Variants in DIAPH3 observed in about 807,000 individuals in gnomAD.
DIAPH3 encodes the protein protein diaphanous homolog 3.
Under a neutral mutation model 144.3 loss-of-function variants are expected in DIAPH3, and 117 were observed. The observed-to-expected ratio is 0.81, with a 90% CI of 0.70 to 0.95. The LOEUF is 0.95. Among genes scored for constraint, DIAPH3 ranks in the 40% least tolerant of loss-of-function variants. DIAPH3 has a pLI of 0.00. For missense variants in DIAPH3, 1,421 were observed against 1,412.7 expected (o/e 1.01, Z -0.09); for synonymous variants, 519 against 488.9 (o/e 1.06, Z -0.81).
At chr13:59,797,559 G>T (rs1439879906) in intron 25 of DIAPH3, among the ~76,000 whole-genome samples, 1 of 152,080 alleles carries the variant, frequency 6.6e-6, no homozygotes, top group Non-Finnish European at 1.5e-5. Context: ...AGTACCTAAT[G>T]AAAAAACAAT....
intron 12 of DIAPH3, among the ~76,000 whole-genome samples, chr13:59,990,321 G>A (rs915044480): frequency 1.3e-5 from 2 of 151,684 alleles, no homozygotes; most frequent in Admixed American, 6.6e-5. Context: ...ATGTTACCCC[G>A]AGGACACAGC....
chr13:60,095,427 A>AG (rs1482592690), intron 3 of DIAPH3, among the ~76,000 whole-genome samples: 2 of 151,944 alleles, frequency 1.3e-5, no homozygotes, highest in South Asian at 2.1e-4. Flanking sequence ...TATGCAAATT[A>AG]GGGGGTGGGT....
intron 5 of DIAPH3, among the ~76,000 whole-genome samples, chr13:60,029,822 T>A (rs780953310): frequency 2.0e-5 from 3 of 152,114 alleles, no homozygotes; most frequent in Non-Finnish European, 4.4e-5. Context: ...TAAGCCAGAA[T>A]AGCTCATCTC....
At chr13:59,820,605 T>G (rs114021814) in intron 24 of DIAPH3, among the ~76,000 whole-genome samples, 213 of 151,776 alleles carry the variant, frequency 1.4e-3, no homozygotes, top group African/African-American at 4.8e-3. Context: ...AAAGTGCAAT[T>G]TAAAAAATCA....
At chr13:59,733,179 A>G (rs1728201153) in intron 27 of DIAPH3, among the ~76,000 whole-genome samples, 1 of 152,180 alleles carries the variant, frequency 6.6e-6, no homozygotes, top group African/African-American at 2.4e-5. Context: ...CATAGCTAAG[A>G]ACTATTACTG....
chr13:60,084,027 T>C lies in DIAPH3; in HGVS notation c.495+9601A>G, dbSNP rs557841561. Among the ~76,000 whole-genome samples the C allele has an allele frequency of 1.6e-3, 250 of 151,526 alleles. 1 individual carries two copies. Among genetic ancestry groups the C allele is most frequent in the African/African-American group, 5.5e-3 (226 of 41,268 alleles). On this transcript the variant is annotated intron_variant, in intron 4 of 27. Coordinates refer to ENST00000400324, the MANE Select transcript of DIAPH3 (RefSeq NM_001042517.2). ...ATAGACAGATAGATAGATAGATAGA[T>C]AGATAGATAGATAGATAGATAGATA...
At chr13:59,851,585 A>T (rs1593677749) in intron 22 of DIAPH3, among the ~76,000 whole-genome samples, 2 of 151,748 alleles carry the variant, frequency 1.3e-5, no homozygotes, top group East Asian at 3.9e-4. Context: ...GGTGCCTTGG[A>T]ATGGATGAGG....
intron 17 of DIAPH3, among the ~76,000 whole-genome samples, chr13:59,961,758 C>G (rs2049775518): frequency 6.6e-6 from 1 of 152,184 alleles, no homozygotes; most frequent in African/African-American, 2.4e-5. Context: ...AGCTGAAATT[C>G]ACCGAAGAAT....
chr13:59,701,940 C>T (rs753020157), intron 27 of DIAPH3, among the ~76,000 whole-genome samples: 2 of 152,138 alleles, frequency 1.3e-5, no homozygotes, highest in Non-Finnish European at 2.9e-5. Context: ...CTGAGTACTG[C>T]CTTTCTCCAG....
Position 60,156,933 on chromosome 13 carries a change from ATATATATTTTTTTTT to A in DIAPH3, c.180+6639_180+6653del, listed in dbSNP as rs1484655310. ...CCAGATCCTTCATATATATATATATATATATATTTTTTTTTTTTTTTTTTTTGAGACAGAGGAGTC... is the reference window on the plus strand; with the variant it reads ...CCAGATCCTTCATATATATATATATATTTTTTTTTTTGAGACAGAGGAGTC... On this transcript the variant is annotated intron_variant, in intron 1 of 27. Transcript: ENST00000400324. Among the ~76,000 whole-genome samples, 55 of 52,332 alleles carry A rather than the reference ATATATATTTTTTTTT, an allele frequency of 1.1e-3. 3 individuals are homozygous for A. Among genetic ancestry groups the A allele is most frequent in the African/African-American group, 4.5e-3 (52 of 11,468 alleles). 34.3% of individuals were successfully genotyped at this position (52,332 alleles called of 152,430 possible). A position where few individuals can be genotyped will look rare whatever the true frequency, so the allele number is the denominator to read the frequency against.
chr13:59,983,436 T>C (rs1158685306), intron 13 of DIAPH3, among the ~76,000 whole-genome samples: 7 of 151,578 alleles, frequency 4.6e-5, no homozygotes, highest in African/African-American at 1.5e-4. Flanking sequence ...GTTAACATTT[T>C]TAGGACCTTA....
chr13:59,970,881 T>C lies in DIAPH3; in HGVS notation c.1930A>G (p.Ile644Val). 3 of 1,613,526 alleles carry C rather than the reference T, an allele frequency of 1.9e-6. No individual in the cohort carries two copies. Among genetic ancestry groups the C allele is most frequent in the Non-Finnish European group, 2.5e-6 (3 of 1,179,908 alleles). The stretch of plus-strand genomic sequence containing the variant: ...AACCAATTCAATCTTCTCATGCTGA[T>C]TTCAGGTTTAAATTCTTTCTTTGGT... ...LKPKKEFKPE[I>V]SMRRLNWLKI... Residue 644 changes from isoleucine (I) to valine (V), a missense_variant, in exon 16 of 28, where the codon ATC becomes GTC. Physicochemically the swap from Ile to Val is conservative, Grantham distance 29. Transcript: ENST00000400324.
intron 27 of DIAPH3, among the ~76,000 whole-genome samples, chr13:59,744,035 A>G (rs573507121): frequency 4.2e-4 from 64 of 152,262 alleles, no homozygotes; most frequent in Admixed American, 7.8e-4. Context: ...TTGGGGGTTA[A>G]GTTTCTATAT....
intron 4 of DIAPH3, among the ~76,000 whole-genome samples, chr13:60,078,979 G>A (rs73218517): frequency 0.043 from 6,519 of 151,868 alleles, 185 homozygotes; most frequent in East Asian, 0.1. Context: ...AGAAAGAACC[G>A]ATCCTTAGGT....
chr13:60,094,844 T>C (rs1466917061), intron 3 of DIAPH3, among the ~76,000 whole-genome samples: 1 of 152,208 alleles, frequency 6.6e-6, no homozygotes, highest in Non-Finnish European at 1.5e-5. Context: ...AGCTGTTCCA[T>C]TTGACACTAC....
intron 24 of DIAPH3, among the ~76,000 whole-genome samples, chr13:59,825,223 C>T (rs1052608402): frequency 9.2e-5 from 14 of 151,792 alleles, no homozygotes; most frequent in Admixed American, 2.0e-4. Flanking sequence ...GAGTGTGATG[C>T]TCCCCTTCCT....
At chr13:60,121,797 T>C (rs2058851982) in intron 2 of DIAPH3, among the ~76,000 whole-genome samples, 1 of 152,132 alleles carries the variant, frequency 6.6e-6, no homozygotes, top group Admixed American at 6.5e-5. Flanking sequence ...TGATTATGAC[T>C]CAGCTCTGCC....
chr13:59,848,006 T>C (rs949113828), intron 22 of DIAPH3, among the ~76,000 whole-genome samples: 1 of 152,222 alleles, frequency 6.6e-6, no homozygotes, highest in Non-Finnish European at 1.5e-5. Flanking sequence ...CTTTTCTCTT[T>C]CATGCCGCAC....
intron 2 of DIAPH3, among the ~76,000 whole-genome samples, chr13:60,129,123 A>G (rs1001824185): frequency 1.3e-5 from 2 of 152,148 alleles, no homozygotes; most frequent in African/African-American, 4.8e-5. Context: ...AACAACTCCT[A>G]TACTCCAAAA....
Sources: allele counts gnomAD v4.1 joint callset (sites outside exome capture counted in the v4.1 genomes callset), GRCh38; gene constraint gnomAD v4.1.1; transcripts MANE v1.5; gene names NCBI Gene and HGNC (gene_info 2026-07-23, HGNC 2026-07-21).